ANO2: variants seen among roughly 807,000 people sequenced by gnomAD.
ANO2 encodes anoctamin-2.
In ANO2, 101 loss-of-function variants were observed where a neutral mutation model predicts 124.2. The ratio of observed to expected loss-of-function variants is 0.81; its 90% CI spans 0.69 to 0.96. The LOEUF is 0.96. Among genes scored for constraint, ANO2 ranks in the 40% least tolerant of loss-of-function variants. The probability of loss-of-function intolerance (pLI) is 0.00; values close to 1 mark genes in which losing one functional copy is unlikely to be tolerated. For missense variants in ANO2, 1,293 were observed against 1,274.5 expected, an observed-to-expected ratio of 1.01 and a Z score of -0.22; for synonymous variants, 486 against 482.5, an observed-to-expected ratio of 1.01 and a Z score of -0.09.
At chr12:5,889,361 G>C (rs1315815381) in intron 3 of ANO2, among the ~76,000 whole-genome samples, 2 of 152,264 alleles carry the variant, frequency 1.3e-5, no homozygotes, top group Admixed American at 6.5e-5. Flanking sequence ...AGCGAGCGAG[G>C]GCTGCAAGGA....
In ANO2 at chr12:5,569,075, C is replaced by G. The variant is rs146328592; in HGVS notation, c.2622-3412G>C. On this transcript the variant is annotated intron_variant, in intron 23 of 24. Coordinates refer to ENST00000682330, the MANE Select transcript of ANO2 (RefSeq NM_001364791.2). ...GATCACGGCTTCCAGTTCCTCCTAG[C>G]TTTCCAGAAGGATTTTTGAACATGT... Among the ~76,000 whole-genome samples the G allele has an allele frequency of 2.2e-4, 34 of 152,362 alleles. No homozygotes were observed. The Middle Eastern group carries it at 0.01, about 46-fold the overall frequency.
At chr12:5,728,334 A>G (rs574894780) in intron 14 of ANO2, among the ~76,000 whole-genome samples, 28 of 152,330 alleles carry the variant, frequency 1.8e-4, no homozygotes, top group African/African-American at 6.3e-4. Flanking sequence ...ATATAGAAAA[A>G]TCAATTATAT....
intron 14 of ANO2, among the ~76,000 whole-genome samples, chr12:5,665,632 G>C (rs1251555574): frequency 1.3e-5 from 2 of 152,244 alleles, no homozygotes; most frequent in Non-Finnish European, 2.9e-5. Flanking sequence ...TGACACAGTA[G>C]TGCCTTCACC....
At chr12:5,942,440 C>T (rs565428949) in intron 1 of ANO2, among the ~76,000 whole-genome samples, 41 of 152,314 alleles carry the variant, frequency 2.7e-4, no homozygotes, top group African/African-American at 9.6e-4. Flanking sequence ...TCACCATGAA[C>T]TCGTGATATT....
chr12:5,859,771 C>T (rs996059220), intron 3 of ANO2, among the ~76,000 whole-genome samples: 1 of 152,076 alleles, frequency 6.6e-6, no homozygotes, highest in African/African-American at 2.4e-5. Context: ...TGAACTCAAG[C>T]GATCCACCTG....
At chr12:5,799,960 C>T (rs1244405129) in intron 9 of ANO2, among the ~76,000 whole-genome samples, 3 of 152,274 alleles carry the variant, frequency 2.0e-5, no homozygotes, top group African/African-American at 7.2e-5. Flanking sequence ...AGTCTGCTTA[C>T]ACCCTGGTGT....
At chr12:5,620,473 T>C (rs768212546) in intron 16 of ANO2, among the ~76,000 whole-genome samples, 6 of 152,148 alleles carry the variant, frequency 3.9e-5, no homozygotes, top group African/African-American at 7.2e-5. Flanking sequence ...AGGGGTTGAA[T>C]TGGAATTCTA....
chr12:5,630,243 G>A (rs1041795102), intron 16 of ANO2, among the ~76,000 whole-genome samples: 3 of 152,190 alleles, frequency 2.0e-5, no homozygotes, highest in African/African-American at 4.8e-5. Context: ...GAAGCCAAGC[G>A]GGTGTTAAAC....
chr12:5,650,631 A>G (rs548310362), intron 14 of ANO2, among the ~76,000 whole-genome samples: 2 of 152,370 alleles, frequency 1.3e-5, no homozygotes, highest in African/African-American at 4.8e-5. Context: ...TCACGGATAC[A>G]TTAACAATAC....
rs1361329271 is a variant in ANO2, at chr12:5,922,800, T to C, written c.27A>G (p.Ile9Met). 1.3e-6 allele frequency: 2 copies of C among 1,499,480 alleles called. No homozygotes were observed. Among genetic ancestry groups the C allele is most frequent in the South Asian group, 1.3e-5 (1 of 74,582 alleles). The allele number at this position is 1,499,480 out of a possible 1,614,324, so 92.9% of individuals were successfully genotyped here. A position where few individuals can be genotyped will look rare whatever the true frequency, so the allele number is the denominator to read the frequency against. ...GGCGTGGGGAGCCAGGGAGCAGGGGTATATCTGTGAGAGGGAAAGACAAGG... is the reference window on the plus strand; with the variant it reads ...GGCGTGGGGAGCCAGGGAGCAGGGGCATATCTGTGAGAGGGAAAGACAAGG... MATPGPRD[I>M]PLLPGSPRRL... Residue 9 changes from isoleucine to methionine, a missense_variant, in exon 2 of 25, where the codon ATA (isoleucine) becomes ATG (methionine). Ile to Met is a conservative substitution (Grantham distance 10, BLOSUM62 1). Coordinates refer to ENST00000682330, the MANE Select transcript of ANO2 (RefSeq NM_001364791.2).
intron 14 of ANO2, among the ~76,000 whole-genome samples, chr12:5,667,384 G>C (rs1947783308): frequency 6.6e-6 from 1 of 152,088 alleles, no homozygotes; most frequent in South Asian, 2.1e-4. Context: ...CTCTCCTGGT[G>C]TGGTCATTCC....
At position 5,822,474 on chromosome 12, in the gene ANO2, C is replaced by T. The variant is rs1448402983; in HGVS notation, c.892+5295G>A. On this transcript the variant is annotated intron_variant, in intron 7 of 24. Coordinates refer to ENST00000682330, the MANE Select transcript of ANO2 (RefSeq NM_001364791.2). ...TCAATGGGCCCATGAACAAAGTGGC[C>T]ATGGTGGCAGGGATGGAGGTTACAC... 2.6e-5 allele frequency among the ~76,000 whole-genome samples: 4 copies of T among 152,198 alleles called. No homozygotes were observed. The East Asian group carries it at 7.7e-4, about 29-fold the overall frequency.
In ANO2 at chr12:5,612,978, G is replaced by A. The variant is rs759312015; in HGVS notation, c.1929-20C>T. 3.1e-6 allele frequency: 5 copies of A among 1,613,390 alleles called. No homozygotes were observed. In the South Asian group the frequency reaches 5.5e-5, roughly 18 times the overall value. On this transcript the variant is annotated intron_variant, in intron 17 of 24. Transcript: ENST00000682330. The stretch of plus-strand genomic sequence containing the variant: ...ACAAACCTGAAATCAAACAGTGTGG[G>A]AAGAGTTAGGGGAAGAGAAAGCATG...
chr12:5,650,782 G>A (rs1037647945), intron 14 of ANO2, among the ~76,000 whole-genome samples: 1 of 152,146 alleles, frequency 6.6e-6, no homozygotes, highest in African/African-American at 2.4e-5. Context: ...TACTTCTTAG[G>A]TGAGTGACCT....
At chr12:5,591,306 A>G (rs1235778560) in intron 20 of ANO2, among the ~76,000 whole-genome samples, 1 of 152,180 alleles carries the variant, frequency 6.6e-6, no homozygotes, top group Non-Finnish European at 1.5e-5. Flanking sequence ...GGGTGTGGGA[A>G]GTGCGGATGA....
At chr12:5,914,394 A>T (rs1316334493) in intron 3 of ANO2, among the ~76,000 whole-genome samples, 1 of 152,114 alleles carries the variant, frequency 6.6e-6, no homozygotes, top group Admixed American at 6.5e-5. Flanking sequence ...CAGGGGTCAG[A>T]GACATCTCAT....
chr12:5,621,715 TCTA>T (rs1945127341), intron 16 of ANO2, among the ~76,000 whole-genome samples: 1 of 152,030 alleles, frequency 6.6e-6, no homozygotes, highest in South Asian at 2.1e-4. Context: ...AGGACTGGGT[TCTA>T]CTTCCAGATG....
intron 16 of ANO2, among the ~76,000 whole-genome samples, chr12:5,630,594 C>G (rs1246703863): frequency 2.0e-5 from 3 of 152,180 alleles, no homozygotes; most frequent in Non-Finnish European, 4.4e-5. Flanking sequence ...CTCACTGTAG[C>G]CTCTACTGTG....
At chr12:5,822,625 A>G (rs1953840015) in intron 7 of ANO2, among the ~76,000 whole-genome samples, 1 of 152,194 alleles carries the variant, frequency 6.6e-6, no homozygotes, top group Admixed American at 6.5e-5. Context: ...CCTGGGGGTG[A>G]TCAACCAGCT....
Sources: allele counts gnomAD v4.1 joint callset (sites outside exome capture counted in the v4.1 genomes callset), GRCh38; gene constraint gnomAD v4.1.1; transcripts MANE v1.5; gene names NCBI Gene and HGNC (gene_info 2026-07-23, HGNC 2026-07-21).